The following NHSL3 variants were observed in gnomAD, a reference collection of about 807,000 sequenced individuals.
NHSL3 encodes NHS-like protein 3.
At chr1:32,747,416 G>A in the NHSL3 span, among the ~76,000 whole-genome samples, 3 of 151,826 alleles carry the variant, frequency 2.0e-5, no homozygotes, top group African/African-American at 7.3e-5. Context: ...CTCATGATCC[G>A]CCCGCCTTGG....
At chr1:32,770,565 C>G in the NHSL3 span, 1 of 1,524,342 alleles carries the variant, frequency 6.6e-7, no homozygotes, top group Non-Finnish European at 8.8e-7. This position sits in a 1 kb window ranked among gnomAD's most constrained non-coding sequence, Gnocchi z 8.3. Context: ...GTGGGAGGGG[C>G]TCTCCCAGTG....
chr1:32,756,470 A>ACCCCCCCCCC, the NHSL3 span, among the ~76,000 whole-genome samples: 34 of 50,490 alleles, frequency 6.7e-4, 4 homozygotes, highest in East Asian at 9.0e-4. Flanking sequence ...ACATGACGAG[A>ACCCCCCCCCC]CCCCCCCCCC....
the NHSL3 span, among the ~76,000 whole-genome samples, chr1:32,759,559 C>T: frequency 6.6e-6 from 1 of 152,238 alleles, no homozygotes; most frequent in South Asian, 2.1e-4. Flanking sequence ...GGCTCCTCCC[C>T]TCCCTGCTCT....
chr1:32,752,901 GCACACACACACACACA>G, the NHSL3 span, among the ~76,000 whole-genome samples: 1 of 71,642 alleles, frequency 1.4e-5, no homozygotes, highest in Non-Finnish European at 2.6e-5. Flanking sequence ...AAAAAAACAT[GCACACACACACACACA>G]CACACACACA....
chr1:32,741,894 C>T, the NHSL3 span: 2 of 198,280 alleles, frequency 1.0e-5, no homozygotes, highest in Admixed American at 6.7e-5. The surrounding 1 kb of genome is among the most constrained non-coding windows in gnomAD (Gnocchi z 4.3). Flanking sequence ...GGCGGCCGCC[C>T]CCGGCATGGG....
the NHSL3 span, among the ~76,000 whole-genome samples, chr1:32,748,270 A>G: frequency 6.6e-6 from 1 of 152,094 alleles, no homozygotes; most frequent in African/African-American, 2.4e-5. Flanking sequence ...CGGGAGTTCA[A>G]CTGGGCAACA....
chr1:32,765,384 C>A, the NHSL3 span, among the ~76,000 whole-genome samples: 13 of 152,234 alleles, frequency 8.5e-5, no homozygotes, highest in Non-Finnish European at 1.8e-4. Context: ...GTAGCCCCTC[C>A]ACCTACCATC....
the NHSL3 span, among the ~76,000 whole-genome samples, chr1:32,765,069 C>G: frequency 4.1e-4 from 62 of 152,354 alleles, 1 homozygote; most frequent in East Asian, 0.01. Flanking sequence ...CTGTGTTTCT[C>G]TGGGCTTCTG....
chr1:32,773,172 C>T, the NHSL3 span: 1 of 520,486 alleles, frequency 1.9e-6, no homozygotes, highest in Non-Finnish European at 3.5e-6. Context: ...GAGAGGGTGG[C>T]TGCGCCCCCT....
At chr1:32,742,327 G>A in the NHSL3 span, 234 of 858,726 alleles carry the variant, frequency 2.7e-4, no homozygotes, top group Non-Finnish European at 2.2e-5. Context: ...AGAGGCCAGG[G>A]CTGAGTCCGA....
chr1:32,773,912 AGGT>A, the NHSL3 span: 1 of 152,762 alleles, frequency 6.5e-6, no homozygotes, highest in African/African-American at 2.4e-5. Context: ...CTTTCAGCAC[AGGT>A]GGTTCCACTG....
the NHSL3 span, among the ~76,000 whole-genome samples, chr1:32,769,397 C>G: frequency 6.6e-6 from 1 of 152,178 alleles, no homozygotes; most frequent in African/African-American, 2.4e-5. Context: ...GATAAGTACC[C>G]TATTGGAATG....
chr1:32,771,837 G>T, the NHSL3 span: 1 of 1,608,368 alleles, frequency 6.2e-7, no homozygotes, highest in Non-Finnish European at 8.5e-7. Context: ...TCCTGCAGAT[G>T]GTGCGGCTGC....
chr1:32,768,045 C>G, the NHSL3 span: 1 of 1,613,866 alleles, frequency 6.2e-7, no homozygotes. Context: ...CCAACAGACC[C>G]TTCTGGTGTC....
At chr1:32,772,817 C>G in the NHSL3 span, 1 of 1,600,030 alleles carries the variant, frequency 6.2e-7, no homozygotes, top group Non-Finnish European at 8.6e-7. Flanking sequence ...AGTGCCAGAA[C>G]CAAGCCAGGA....
the NHSL3 span, among the ~76,000 whole-genome samples, chr1:32,763,728 C>T: frequency 4.6e-5 from 7 of 152,132 alleles, no homozygotes; most frequent in East Asian, 5.8e-4. Flanking sequence ...TGTACCACCA[C>T]GCCCGGCTAA....
chr1:32,748,119 A>T, the NHSL3 span, among the ~76,000 whole-genome samples: 2 of 152,078 alleles, frequency 1.3e-5, no homozygotes, highest in Non-Finnish European at 2.9e-5. Context: ...TCTCAAAACA[A>T]AAAACAAAAA....
the NHSL3 span, among the ~76,000 whole-genome samples, chr1:32,748,347 C>A: frequency 6.6e-6 from 1 of 152,106 alleles, no homozygotes; most frequent in Non-Finnish European, 1.5e-5. Flanking sequence ...AATGTCATTT[C>A]TCTCTGCTGA....
chr1:32,770,034 C>T, the NHSL3 span: 35 of 1,585,654 alleles, frequency 2.2e-5, no homozygotes, highest in African/African-American at 4.0e-5. The surrounding 1 kb of genome is among the most constrained non-coding windows in gnomAD (Gnocchi z 8.3). Flanking sequence ...CGGAGGCTGG[C>T]GCTGAGACAG....
Sources: allele counts gnomAD v4.1 joint callset (sites outside exome capture counted in the v4.1 genomes callset), GRCh38; gene constraint gnomAD v4.1.1; non-coding constraint Gnocchi (gnomAD v3.1); transcripts MANE v1.5; gene names NCBI Gene and HGNC (gene_info 2026-07-23, HGNC 2026-07-21).